The following AFF1 variants were observed in gnomAD, a reference collection of about 807,000 sequenced individuals.
The protein encoded by AFF1 is ALF transcription elongation factor 1, also known as AF4/FMR2 family member 1.
A neutral mutation model predicts 121.7 loss-of-function variants in AFF1; 48 were observed. The observed-to-expected ratio is 0.39, with a 90% CI of 0.31 to 0.50. The LOEUF (loss-of-function observed/expected upper bound fraction) is 0.50, where lower values mean the gene tolerates loss of function less well. AFF1 is among the 20% of genes least tolerant of loss of function. The probability of loss-of-function intolerance (pLI) is 0.76; values close to 1 mark genes in which losing one functional copy is unlikely to be tolerated. For synonymous variants in AFF1, 613 were observed against 563.0 expected, an observed-to-expected ratio of 1.09 and a Z score of -1.26; for missense variants, 1,523 against 1,511.7, an observed-to-expected ratio of 1.01 and a Z score of -0.12.
chr4:87,020,624 A>C (rs1727803953), intron 2 of AFF1: 1 of 182,830 alleles, frequency 5.5e-6, no homozygotes, highest in Non-Finnish European at 1.0e-5. Context: ...AGCTGGGACT[A>C]CAGGCACGTG....
At chr4:86,993,567 A>G (rs1455983220) in intron 2 of AFF1, among the ~76,000 whole-genome samples, 1 of 152,202 alleles carries the variant, frequency 6.6e-6, no homozygotes, top group African/African-American at 2.4e-5. Flanking sequence ...AATTGTGGAC[A>G]CTTGTCTTTG....
chr4:86,954,449 T>C (rs1721596700), intron 2 of AFF1, among the ~76,000 whole-genome samples: 2 of 152,214 alleles, frequency 1.3e-5, no homozygotes, highest in Admixed American at 1.3e-4. Context: ...TTTCTAGGCA[T>C]GGTGGCTAAT....
intron 4 of AFF1, among the ~76,000 whole-genome samples, chr4:87,074,933 G>T (rs1722498051): frequency 6.6e-6 from 1 of 152,176 alleles, no homozygotes; most frequent in South Asian, 2.1e-4. Flanking sequence ...TTAAGAACTG[G>T]AATCCTTGGT....
chr4:87,012,853 C>T (rs1463431395), intron 2 of AFF1, among the ~76,000 whole-genome samples: 1 of 152,116 alleles, frequency 6.6e-6, no homozygotes, highest in Non-Finnish European at 1.5e-5. Flanking sequence ...GAGAATCCCT[C>T]CCCTGTGCAA....
chr4:86,994,440 G>A (rs1162339190), intron 2 of AFF1, among the ~76,000 whole-genome samples: 3 of 152,238 alleles, frequency 2.0e-5, no homozygotes, highest in African/African-American at 7.2e-5. Flanking sequence ...CACTGATTGT[G>A]TAATGAGAGA....
At chr4:86,972,465 A>C (rs1444003766) in intron 2 of AFF1, among the ~76,000 whole-genome samples, 1 of 152,198 alleles carries the variant, frequency 6.6e-6, no homozygotes, top group Non-Finnish European at 1.5e-5. Context: ...TGGGAAAAAA[A>C]TGTGAAATAT....
chr4:87,006,774 T>A (rs1349361753), intron 2 of AFF1, among the ~76,000 whole-genome samples: 1 of 152,192 alleles, frequency 6.6e-6, no homozygotes, highest in Admixed American at 6.5e-5. Flanking sequence ...AAGAGAGCAC[T>A]CTCGAGGAGC....
intron 2 of AFF1, among the ~76,000 whole-genome samples, chr4:87,023,580 A>T (rs978412592): frequency 5.3e-5 from 8 of 152,212 alleles, no homozygotes; most frequent in East Asian, 1.9e-4. Context: ...GTTGGAAATT[A>T]AAAAAAGTGT....
intron 2 of AFF1, among the ~76,000 whole-genome samples, chr4:87,022,927 G>A (rs1728173053): frequency 1.3e-5 from 2 of 151,898 alleles, no homozygotes; most frequent in Admixed American, 6.6e-5. Context: ...ATTTAATATA[G>A]ATGGAGTCTC....
intron 2 of AFF1, among the ~76,000 whole-genome samples, chr4:86,972,214 G>A (rs1262410377): frequency 1.3e-5 from 2 of 148,908 alleles, no homozygotes; most frequent in Non-Finnish European, 3.0e-5. Context: ...CCAGAGAAGT[G>A]ACATGGAAGG....
chr4:87,070,138 G>A (rs1721878408), intron 4 of AFF1, among the ~76,000 whole-genome samples: 1 of 152,192 alleles, frequency 6.6e-6, no homozygotes, highest in Non-Finnish European at 1.5e-5. Flanking sequence ...TGAGTAGCTG[G>A]GATTACAGGC....
chr4:86,985,495 G>C (rs932769163), intron 2 of AFF1, among the ~76,000 whole-genome samples: 1 of 143,394 alleles, frequency 7.0e-6, no homozygotes, highest in Non-Finnish European at 1.5e-5. Context: ...CGACAACAGC[G>C]AGACACTGTC....
intron 12 of AFF1, among the ~76,000 whole-genome samples, chr4:87,118,309 CG>C (rs1427763749): frequency 6.6e-5 from 10 of 151,578 alleles, no homozygotes; most frequent in Non-Finnish European, 1.2e-4. Flanking sequence ...GAAATGCACA[CG>C]TTTTTTTACT....
At chr4:86,990,892 C>A (rs934702558) in intron 2 of AFF1, among the ~76,000 whole-genome samples, 1 of 152,200 alleles carries the variant, frequency 6.6e-6, no homozygotes, top group Admixed American at 6.6e-5. Context: ...TGGCTCACGC[C>A]TGTAATCCCA....
At chr4:87,120,475 A>C (rs1218433725) in intron 12 of AFF1, among the ~76,000 whole-genome samples, 1 of 152,226 alleles carries the variant, frequency 6.6e-6, no homozygotes, top group Non-Finnish European at 1.5e-5. Context: ...CCAAAAAGGC[A>C]CTAACATGGC....
chr4:86,939,929 A>G (rs1196493108), intron 1 of AFF1, among the ~76,000 whole-genome samples: 1 of 152,206 alleles, frequency 6.6e-6, no homozygotes, highest in Non-Finnish European at 1.5e-5. Context: ...TATAGCAGAG[A>G]GTTTAAAAAG....
At chr4:87,044,443 GGGA>G (rs1310925745) in intron 2 of AFF1, among the ~76,000 whole-genome samples, 1 of 152,180 alleles carries the variant, frequency 6.6e-6, no homozygotes, top group Admixed American at 6.5e-5. Flanking sequence ...TAGGGGAGAA[GGGA>G]GGAGGAGAGA....
At chr4:86,949,512 CT>C (rs1721117485) in intron 2 of AFF1, among the ~76,000 whole-genome samples, 3 of 139,740 alleles carry the variant, frequency 2.1e-5, no homozygotes, top group Non-Finnish European at 3.1e-5. Context: ...ATCATAATTT[CT>C]ATTTATTAAT....
intron 2 of AFF1, among the ~76,000 whole-genome samples, chr4:87,033,036 G>A (rs917902590): frequency 2.0e-5 from 3 of 152,200 alleles, no homozygotes; most frequent in Admixed American, 2.0e-4. Context: ...TGTAGTCCCA[G>A]CTACTCAGGA....
Sources: gnomAD v4.1 joint callset for allele counts (sites outside exome capture counted in the v4.1 genomes callset) on GRCh38, gnomAD v4.1.1 for gene constraint, MANE v1.5 for transcripts, NCBI Gene and HGNC (gene_info 2026-07-23, HGNC 2026-07-21) for gene names.